Variants in ERC2 observed in about 807,000 individuals in gnomAD.
ERC2 encodes ELKS/RAB6-interacting/CAST family member 2, also known as ERC protein 2.
A neutral mutation model predicts 114.8 loss-of-function variants in ERC2; 42 were observed. The observed-to-expected ratio is 0.37, with a 90% CI of 0.29 to 0.47. ERC2 has a LOEUF of 0.47. Ranked by LOEUF, ERC2 falls within the 20% of genes least tolerant of loss-of-function variation. The pLI, the probability that ERC2 is intolerant of heterozygous loss-of-function variation, is 0.99. For synonymous variants in ERC2, 454 were observed against 425.5 expected (o/e 1.07, Z -0.82); for missense variants, 939 against 1,150.7 (o/e 0.82, Z 2.66).
chr3:56,440,235 G>A (rs776736503), intron 1 of ERC2, among the ~76,000 whole-genome samples: 28 of 152,062 alleles, frequency 1.8e-4, no homozygotes, highest in Middle Eastern at 3.2e-3. Context: ...GAAATGTTTC[G>A]TAGAACACAC....
At chr3:55,545,916 G>A (rs1007498818) in intron 17 of ERC2, among the ~76,000 whole-genome samples, 1 of 152,176 alleles carries the variant, frequency 6.6e-6, no homozygotes, top group Non-Finnish European at 1.5e-5. Context: ...GAGGTCTTGG[G>A]TCCCGTTACC....
intron 7 of ERC2, among the ~76,000 whole-genome samples, chr3:56,027,969 C>T (rs1453650319): frequency 6.6e-6 from 1 of 152,024 alleles, no homozygotes; most frequent in Admixed American, 6.6e-5. Context: ...TTATTTTTTG[C>T]ATAAGGTGTG....
At chr3:56,147,463 G>A (rs2081200416) in intron 5 of ERC2, among the ~76,000 whole-genome samples, 2 of 152,072 alleles carry the variant, frequency 1.3e-5, no homozygotes, top group Non-Finnish European at 2.9e-5. Flanking sequence ...GTGTATACAT[G>A]CTTGCATACA....
At chr3:56,314,306 C>T (rs1020843652) in intron 2 of ERC2, among the ~76,000 whole-genome samples, 2 of 152,096 alleles carry the variant, frequency 1.3e-5, no homozygotes, top group Admixed American at 6.6e-5. Context: ...TTAAAAGCTG[C>T]TAATAACACA....
intron 17 of ERC2, among the ~76,000 whole-genome samples, chr3:55,542,722 G>A (rs568968518): frequency 6.6e-6 from 1 of 152,088 alleles, no homozygotes; most frequent in East Asian, 1.9e-4. Flanking sequence ...AGCAGCTCTG[G>A]GTAACCTTTT....
chr3:56,304,828 G>A (rs911945280), intron 2 of ERC2, among the ~76,000 whole-genome samples: 2 of 152,170 alleles, frequency 1.3e-5, no homozygotes, highest in Admixed American at 1.3e-4. Context: ...AAATAAAGAG[G>A]AATTTCTTTA....
chr3:55,759,462 TAAAAAAAAAAAA>T (rs540204065), intron 14 of ERC2, among the ~76,000 whole-genome samples: 2 of 36,062 alleles, frequency 5.5e-5, no homozygotes, highest in Non-Finnish European at 9.7e-5. Flanking sequence ...TCTCTTTCAT[TAAAAAAAAAAAA>T]AAAAAAAAAA....
chr3:55,624,646 C>T (rs1397502404), intron 17 of ERC2, among the ~76,000 whole-genome samples: 6 of 152,088 alleles, frequency 3.9e-5, no homozygotes, highest in African/African-American at 9.7e-5. Flanking sequence ...AGCCTTGGCT[C>T]GGGGCACTGA....
At chr3:55,605,638 G>T (rs1416173235) in intron 17 of ERC2, among the ~76,000 whole-genome samples, 1 of 152,172 alleles carries the variant, frequency 6.6e-6, no homozygotes, top group Non-Finnish European at 1.5e-5. Flanking sequence ...GTCATTCAAA[G>T]AAATTTTTAT....
At chr3:55,962,938 A>C (rs1291020041) in intron 12 of ERC2, among the ~76,000 whole-genome samples, 1 of 152,230 alleles carries the variant, frequency 6.6e-6, no homozygotes, top group Non-Finnish European at 1.5e-5. Context: ...TCTGTAGTTC[A>C]GCCACTTCAA....
At chr3:56,023,767 A>AAAGGAAGGAAGGAAGGAAGG (rs768746262) in intron 7 of ERC2, among the ~76,000 whole-genome samples, 6,728 of 49,574 alleles carry the variant, frequency 0.14, 260 homozygotes, top group Non-Finnish European at 0.17. Flanking sequence ...ATGAATGAAA[A>AAAGGAAGGAAGGAAGGAAGG]AAGGAATGAA....
In ERC2 at chr3:55,774,658, C is replaced by A. The variant is rs80350139; in HGVS notation, c.2565-39740G>T. Among the ~76,000 whole-genome samples, 1,113 of 152,340 alleles carry A rather than the reference C, an allele frequency of 7.3e-3. 13 individuals are homozygous for A. The highest frequency in any genetic ancestry group is 0.025 in the African/African-American group (1,059 of 41,580). On this transcript the variant is annotated intron_variant, in intron 14 of 17. Coordinates refer to ENST00000288221, the MANE Select transcript of ERC2 (RefSeq NM_015576.3). Reference sequence around the variant, plus strand: ...CCTTGGCTGTCAGCCTGGGAGAACCCACCAGATTACCCACCAGGTAAACAG... The same window carrying A: ...CCTTGGCTGTCAGCCTGGGAGAACCAACCAGATTACCCACCAGGTAAACAG...
intron 17 of ERC2, among the ~76,000 whole-genome samples, chr3:55,665,540 C>T (rs1289295586): frequency 6.6e-6 from 1 of 151,964 alleles, no homozygotes; most frequent in Non-Finnish European, 1.5e-5. Context: ...CTCAACAACG[C>T]CGGGAGAAAA....
At chr3:56,277,466 C>T (rs2054077675) in intron 3 of ERC2, among the ~76,000 whole-genome samples, 1 of 152,150 alleles carries the variant, frequency 6.6e-6, no homozygotes, top group African/African-American at 2.4e-5. Context: ...GTGACTGTCA[C>T]AGGCATTAGA....
At chr3:56,021,128 T>C (rs986168268) in intron 7 of ERC2, among the ~76,000 whole-genome samples, 1 of 152,046 alleles carries the variant, frequency 6.6e-6, no homozygotes, top group African/African-American at 2.4e-5. Context: ...TGCAAAAAGA[T>C]CACCAAGAAT....
At chr3:56,206,967 A>T (rs771368814) in intron 3 of ERC2, among the ~76,000 whole-genome samples, 9 of 152,250 alleles carry the variant, frequency 5.9e-5, no homozygotes, top group Non-Finnish European at 8.8e-5. Flanking sequence ...TAAGCCAATA[A>T]TAATTCAATT....
chr3:55,837,798 C>T (rs2060963693), intron 14 of ERC2, among the ~76,000 whole-genome samples: 1 of 151,138 alleles, frequency 6.6e-6, no homozygotes. Context: ...AAAAACAAAA[C>T]CCTACTGTGT....
chr3:55,682,882 GT>G (rs1400098175), intron 17 of ERC2, among the ~76,000 whole-genome samples: 1 of 152,198 alleles, frequency 6.6e-6, no homozygotes, highest in African/African-American at 2.4e-5. Context: ...ACTCCAGGGA[GT>G]TTGTGACTTG....
At chr3:55,895,484 C>A (rs1370913315) in intron 13 of ERC2, among the ~76,000 whole-genome samples, 1 of 152,180 alleles carries the variant, frequency 6.6e-6, no homozygotes, top group Non-Finnish European at 1.5e-5. Context: ...GCCTAATACC[C>A]TGGAAGGCAC....
Sources: allele counts gnomAD v4.1 joint callset (sites outside exome capture counted in the v4.1 genomes callset), GRCh38; gene constraint gnomAD v4.1.1; transcripts MANE v1.5; gene names NCBI Gene and HGNC (gene_info 2026-07-23, HGNC 2026-07-21).